IL1RAPL1: variants seen among roughly 807,000 people sequenced by gnomAD.
IL1RAPL1 encodes the protein interleukin-1 receptor accessory protein-like 1.
IL1RAPL1 carries 3 observed loss-of-function variants against 48.4 expected under a neutral mutation model. That is an observed-to-expected ratio of 0.06 (90% confidence interval 0.03 to 0.16). The LOEUF (loss-of-function observed/expected upper bound fraction) is 0.16. IL1RAPL1 is among the 10% of genes least tolerant of loss of function. The pLI, the probability that IL1RAPL1 is intolerant of heterozygous loss-of-function variation, is 1.00. For synonymous variants in IL1RAPL1, 185 were observed against 187.7 expected (o/e 0.99, Z 0.12); for missense variants, 349 against 530.6 (o/e 0.66, Z 3.36).
chrX:29,338,292 G>A (rs1286729682), intron 3 of IL1RAPL1, among the ~76,000 whole-genome samples: 1 of 110,803 alleles, frequency 9.0e-6, no homozygotes, highest in Non-Finnish European at 1.9e-5. Context: ...CACGCACATT[G>A]CTGAGCCAAA....
chrX:28,748,165 A>G (rs1281768564), intron 1 of IL1RAPL1, among the ~76,000 whole-genome samples: 4 of 111,553 alleles, frequency 3.6e-5, no homozygotes, highest in African/African-American at 1.3e-4. Flanking sequence ...GGCCATTTGA[A>G]TCATATACAC....
At chrX:28,879,590 A>T (rs1426149483) in intron 2 of IL1RAPL1, among the ~76,000 whole-genome samples, 2 of 111,726 alleles carry the variant, frequency 1.8e-5, no homozygotes, top group Non-Finnish European at 3.8e-5. Flanking sequence ...GATGATTGCT[A>T]AGTTAGCTTA....
intron 2 of IL1RAPL1, among the ~76,000 whole-genome samples, chrX:28,956,778 A>C (rs1237288044): frequency 9.3e-6 from 1 of 107,733 alleles, no homozygotes; most frequent in Non-Finnish European, 1.9e-5. Flanking sequence ...TGGCCTCATA[A>C]AATGAGTTAG....
intron 6 of IL1RAPL1, among the ~76,000 whole-genome samples, chrX:29,803,060 T>C (rs1171196915): frequency 3.5e-5 from 3 of 85,588 alleles, no homozygotes; most frequent in African/African-American, 4.6e-5. Context: ...TGTACATATA[T>C]ATGTATGCAT....
intron 5 of IL1RAPL1, among the ~76,000 whole-genome samples, chrX:29,561,801 T>A (rs1003754354): frequency 1.8e-5 from 2 of 110,979 alleles, no homozygotes; most frequent in African/African-American, 6.6e-5. Context: ...TGGGTAGTTG[T>A]CAAAATTGGT....
At chrX:28,978,876 G>A (rs918751905) in intron 2 of IL1RAPL1, among the ~76,000 whole-genome samples, 3 of 111,984 alleles carry the variant, frequency 2.7e-5, no homozygotes, top group African/African-American at 6.5e-5. Context: ...GTGATGCCAC[G>A]AAGGGCATAA....
At chrX:29,805,325 T>C (rs770381149) in intron 6 of IL1RAPL1, among the ~76,000 whole-genome samples, 2 of 110,706 alleles carry the variant, frequency 1.8e-5, no homozygotes, top group Non-Finnish European at 3.8e-5. Flanking sequence ...AGATGGGGAA[T>C]TCCTGGGGTC....
chrX:29,666,317 A>G (rs886876306), intron 5 of IL1RAPL1, among the ~76,000 whole-genome samples: 3 of 110,475 alleles, frequency 2.7e-5, no homozygotes, highest in Non-Finnish European at 5.7e-5. Context: ...AAGGTAAAAT[A>G]AAAGCAGAAC....
chrX:29,673,019 T>C (rs1926179705), intron 6 of IL1RAPL1, among the ~76,000 whole-genome samples: 1 of 111,978 alleles, frequency 8.9e-6, no homozygotes, highest in African/African-American at 3.2e-5. Flanking sequence ...AGTTTAACTA[T>C]AGGCTACTTA....
At chrX:28,888,081 T>C (rs1922685730) in intron 2 of IL1RAPL1, among the ~76,000 whole-genome samples, 1 of 110,535 alleles carries the variant, frequency 9.0e-6, no homozygotes, top group Non-Finnish European at 1.9e-5. Flanking sequence ...AGAGGTAATA[T>C]ATTAGGTAGG....
chrX:28,754,944 G>A (rs1156965762), intron 1 of IL1RAPL1, among the ~76,000 whole-genome samples: 1 of 112,076 alleles, frequency 8.9e-6, no homozygotes. Flanking sequence ...CCAGTGCAAA[G>A]CATAGATTAT....
chrX:29,883,771 C>G (rs958831681), intron 6 of IL1RAPL1, among the ~76,000 whole-genome samples: 1 of 112,119 alleles, frequency 8.9e-6, no homozygotes, highest in Non-Finnish European at 1.9e-5. Context: ...CAGGGTATGA[C>G]CTGCATCAGG....
intron 6 of IL1RAPL1, among the ~76,000 whole-genome samples, chrX:29,903,929 G>A (rs12839149): frequency 0.065 from 7,242 of 111,871 alleles, 265 homozygotes; most frequent in Admixed American, 0.17. Flanking sequence ...CTTCAGGACT[G>A]CAGACCTGGC....
chrX:29,118,789 A>G, intron 2 of IL1RAPL1, among the ~76,000 whole-genome samples: 1 of 111,804 alleles, frequency 8.9e-6, no homozygotes, highest in Non-Finnish European at 1.9e-5. Context: ...CTACTTTAAA[A>G]AAAATGAATT....
chrX:28,922,278 A>G (rs1286078872), intron 2 of IL1RAPL1, among the ~76,000 whole-genome samples: 1 of 111,998 alleles, frequency 8.9e-6, no homozygotes, highest in East Asian at 2.8e-4. Context: ...TAAGTCTCCA[A>G]CTGGAACAAA....
chrX:29,948,680 TAAAC>T (rs1243488278), intron 9 of IL1RAPL1, among the ~76,000 whole-genome samples: 1 of 110,684 alleles, frequency 9.0e-6, no homozygotes, highest in African/African-American at 3.3e-5. Context: ...ATGCCACACT[TAAAC>T]ATACAAAATC....
At chrX:28,966,058 T>C (rs1337156960) in intron 2 of IL1RAPL1, among the ~76,000 whole-genome samples, 2 of 111,691 alleles carry the variant, frequency 1.8e-5, no homozygotes, top group Non-Finnish European at 3.8e-5. Flanking sequence ...GTGCGTTACC[T>C]TAGTTTTCAA....
chrX:28,844,954 G>A (rs933962679), intron 2 of IL1RAPL1, among the ~76,000 whole-genome samples: 4 of 111,480 alleles, frequency 3.6e-5, no homozygotes, highest in African/African-American at 1.3e-4. Context: ...TTTGATTCTT[G>A]TTTTAAGATT....
At chrX:28,814,114 G>A (rs1046192491) in intron 2 of IL1RAPL1, among the ~76,000 whole-genome samples, 3 of 110,389 alleles carry the variant, frequency 2.7e-5, no homozygotes, top group East Asian at 2.9e-4. Context: ...AATGAGTTAC[G>A]GTAATCTTTG....
Sources: allele counts gnomAD v4.1 joint callset (sites outside exome capture counted in the v4.1 genomes callset), GRCh38; gene constraint gnomAD v4.1.1; transcripts MANE v1.5; gene names NCBI Gene and HGNC (gene_info 2026-07-23, HGNC 2026-07-21).